Variants in PLAAT3 observed in about 807,000 individuals in gnomAD.
PLAAT3 encodes the protein phospholipase A and acyltransferase 3.
In PLAAT3, 21 loss-of-function variants were observed where a neutral mutation model predicts 16.7. The ratio of observed to expected loss-of-function variants is 1.26; its 90% CI spans 0.89 to 1.81. PLAAT3 has a LOEUF of 1.81. PLAAT3 is among the 40% of genes most tolerant of loss of function. The pLI is 0.00. For synonymous variants in PLAAT3, 76 were observed against 81.7 expected (o/e 0.93, Z 0.38); for missense variants, 219 against 213.7 (o/e 1.02, Z -0.16).
chr11:63,611,791 T>C (rs1938698630), intron 2 of PLAAT3, among the ~76,000 whole-genome samples: 2 of 152,232 alleles, frequency 1.3e-5, no homozygotes, highest in African/African-American at 2.4e-5. Flanking sequence ...CACTCAGCCA[T>C]TTTCTCTGAT....
At chr11:63,594,925 G>A (rs1006809856) in intron 3 of PLAAT3, among the ~76,000 whole-genome samples, 3 of 151,942 alleles carry the variant, frequency 2.0e-5, no homozygotes, top group East Asian at 1.9e-4. Context: ...CTCAGGGTGG[G>A]GAAGATGACA....
chr11:63,588,467 G>A (rs1038464292), intron 4 of PLAAT3, among the ~76,000 whole-genome samples: 5 of 86,940 alleles, frequency 5.8e-5, no homozygotes, highest in African/African-American at 2.8e-4. Context: ...CCATCCCCTG[G>A]TCTCCTGCTT....
chr11:63,580,849 G>A (rs1438361639), intron 4 of PLAAT3, among the ~76,000 whole-genome samples: 1 of 152,186 alleles, frequency 6.6e-6, no homozygotes, highest in South Asian at 2.1e-4. Context: ...AGTATGTTGT[G>A]GAAAGTCGGG....
chr11:63,578,717 T>C (rs900041221), intron 4 of PLAAT3, among the ~76,000 whole-genome samples: 1 of 151,246 alleles, frequency 6.6e-6, no homozygotes. Context: ...ATACAAAAAT[T>C]AATTCAAGAT....
chr11:63,590,075 A>G, intron 4 of PLAAT3, 25 bp downstream of exon 4: 1 of 1,604,916 alleles, frequency 6.2e-7, no homozygotes, highest in Non-Finnish European at 8.5e-7. Flanking sequence ...GTTCCTGGGG[A>G]AGGCGACACA....
chr11:63,590,152 T>C lies in PLAAT3; in HGVS notation c.335A>G (p.Asn112Ser), dbSNP rs774301091. ...QEVLYKLTSE[N>S]CEHFVNELRY... is the part of the protein sequence containing the mutation. ...CAGCTCATTCACAAAGTGCTCGCAG[T>C]TCTCACTGGTCAGCTTGTAGAGCAC... Residue 112 changes from asparagine (N) to serine (S), a missense_variant, in exon 4 of 5, where the codon AAC (asparagine) becomes AGC (serine). Physicochemically the swap from Asn to Ser is conservative, Grantham distance 46. Transcript: ENST00000415826. 8.1e-6 allele frequency: 13 copies of C among 1,614,220 alleles called. No individual in the cohort carries two copies. Among genetic ancestry groups the C allele is most frequent in the Non-Finnish European group, 1.1e-5 (13 of 1,180,028 alleles).
intron 4 of PLAAT3, among the ~76,000 whole-genome samples, chr11:63,588,852 A>G (rs1433563169): frequency 6.6e-6 from 1 of 152,110 alleles, no homozygotes; most frequent in Non-Finnish European, 1.5e-5. Flanking sequence ...TGTAGTAAGC[A>G]CAGCTGGTTA....
intron 4 of PLAAT3, among the ~76,000 whole-genome samples, chr11:63,580,516 T>C (rs1937780607): frequency 6.6e-6 from 1 of 152,114 alleles, no homozygotes; most frequent in Admixed American, 6.6e-5. Context: ...TAGCCAGGCG[T>C]GGTGGCACAT....
chr11:63,594,752 AG>A (rs1305602740), intron 3 of PLAAT3, among the ~76,000 whole-genome samples: 1 of 152,188 alleles, frequency 6.6e-6, no homozygotes. Context: ...GAAGGATGTG[AG>A]GCCGGGCGTT....
At chr11:63,579,900 A>C (rs1937756705) in intron 4 of PLAAT3, among the ~76,000 whole-genome samples, 1 of 151,464 alleles carries the variant, frequency 6.6e-6, no homozygotes, top group South Asian at 2.1e-4. Flanking sequence ...AGAAGAAGAC[A>C]ATGGAGCAAT....
Position 63,577,783 on chromosome 11 carries a change from A to G in PLAAT3, c.388-2737T>C, listed in dbSNP as rs1055884726. On this transcript the variant is annotated intron_variant, in intron 4 of 4. Coordinates refer to ENST00000415826, the MANE Select transcript of PLAAT3 (RefSeq NM_001128203.2). ...AAAAATTATCACTGGAGAATAAGAC[A>G]GCATATTGTATCCAATAAATAAGAA... Among the ~76,000 whole-genome samples the G allele has an allele frequency of 2.6e-5, 4 of 152,306 alleles. No individual in the cohort carries two copies. In the East Asian group the frequency reaches 7.7e-4, roughly 29 times the overall value.
intron 3 of PLAAT3, among the ~76,000 whole-genome samples, chr11:63,595,820 CAAGTT>C (rs1401178801): frequency 2.6e-5 from 4 of 151,996 alleles, no homozygotes; most frequent in African/African-American, 9.7e-5. Flanking sequence ...AAGAGTTCTC[CAAGTT>C]AAGTATTCAT....
rs1938343288 is a variant in PLAAT3 at position 63,598,217 on chromosome 11, A to G, written c.16-54T>C. ...GGGAGCATGAGATCGTGGAACCAGG[A>G]CAGGGCTCAGTGAGGAAGGTGCAGC... On this transcript the variant is annotated intron_variant, in intron 2 of 4. Transcript: ENST00000415826. The G allele has an allele frequency of 3.9e-6, 5 of 1,266,582 alleles. No individual in the cohort carries two copies. In the Admixed American group the frequency reaches 8.6e-5, roughly 22 times the overall value. The allele number at this position is 1,266,582 out of a possible 1,614,324, so 78.5% of individuals were successfully genotyped here.
At chr11:63,598,239 C>G in intron 2 of PLAAT3, 76 bp from the exon 3 acceptor site, 8 of 976,418 alleles carry the variant, frequency 8.2e-6, no homozygotes, top group Non-Finnish European at 1.3e-5. Flanking sequence ...GAGGAAGGTG[C>G]AGCTGAGTGG....
chr11:63,591,750 T>C (rs992260265), intron 3 of PLAAT3, among the ~76,000 whole-genome samples: 1 of 152,226 alleles, frequency 6.6e-6, no homozygotes, highest in Non-Finnish European at 1.5e-5. Context: ...GGAAGATTCA[T>C]TGAAGTAAAT....
upstream of PLAAT3, chr11:63,616,656 A>AG: frequency 6.6e-6 from 1 of 151,996 alleles, no homozygotes; most frequent in East Asian, 1.9e-4. Flanking sequence ...TTTCCTTATG[A>AG]GGGCTCCTGT....
intron 4 of PLAAT3, among the ~76,000 whole-genome samples, chr11:63,581,427 A>C (rs984100699): frequency 5.9e-5 from 9 of 152,088 alleles, no homozygotes; most frequent in African/African-American, 1.9e-4. Context: ...GATGCAGTTG[A>C]GATAAGGACT....
Position 63,596,157 on chromosome 11 carries a change from C to T in PLAAT3, c.118+1904G>A, listed in dbSNP as rs185718475. On this transcript the variant is annotated intron_variant, in intron 3 of 4. Transcript: ENST00000415826. ...TCAGGAGCCTGAGGCAGGAGAACGGCGTGAACCCGGAGGCAGAGCTTGCAG... is the reference window on the plus strand; with the variant it reads ...TCAGGAGCCTGAGGCAGGAGAACGGTGTGAACCCGGAGGCAGAGCTTGCAG... Among the ~76,000 whole-genome samples the T allele has an allele frequency of 6.8e-4, 92 of 135,636 alleles. 3 individuals carry two copies. In the East Asian group the frequency reaches 7.1e-3, roughly 10 times the overall value. 89.0% of individuals were successfully genotyped at this position (135,636 alleles called of 152,430 possible). A position where few individuals can be genotyped will look rare whatever the true frequency, so the allele number is the denominator to read the frequency against.
intron 4 of PLAAT3, among the ~76,000 whole-genome samples, chr11:63,579,796 A>C (rs112902266): frequency 0.077 from 11,429 of 148,906 alleles, 586 homozygotes; most frequent in Middle Eastern, 0.14. Context: ...TGGGTGCAGC[A>C]CACCAACATG....
Sources: allele counts gnomAD v4.1 joint callset (sites outside exome capture counted in the v4.1 genomes callset), GRCh38; gene constraint gnomAD v4.1.1; transcripts MANE v1.5; gene names NCBI Gene and HGNC (gene_info 2026-07-23, HGNC 2026-07-21).